The following CDH9 variants were observed in gnomAD, a reference collection of about 807,000 sequenced individuals.
CDH9 encodes cadherin 9.
In CDH9, 28 loss-of-function variants were observed where a neutral mutation model predicts 70.9. The ratio of observed to expected loss-of-function variants is 0.40; its 90% CI spans 0.29 to 0.54. The LOEUF (loss-of-function observed/expected upper bound fraction) is 0.54, where lower values mean the gene tolerates loss of function less well. CDH9 is among the 20% of genes least tolerant of loss of function. The pLI is 0.59. For synonymous variants in CDH9, 409 were observed against 343.1 expected, an observed-to-expected ratio of 1.19 and a Z score of -2.12; for missense variants, 874 against 984.4, an observed-to-expected ratio of 0.89 and a Z score of 1.50.
chr5:26,896,136 T>G (rs1288486624), intron 7 of CDH9, among the ~76,000 whole-genome samples: 1 of 151,986 alleles, frequency 6.6e-6, no homozygotes, highest in African/African-American at 2.4e-5. Flanking sequence ...TATAATTGAT[T>G]ATTTCTAGGA....
At chr5:26,889,776 T>A in intron 9 of CDH9, 60 bp downstream of exon 9, 1 of 1,016,930 alleles carries the variant, frequency 9.8e-7, no homozygotes, top group Non-Finnish European at 1.5e-6. Flanking sequence ...AGTGATGTAA[T>A]GTCATTTGAC....
Position 26,906,077 on chromosome 5 carries a change from C to A in CDH9, c.693G>T (p.Gln231His), listed in dbSNP as rs761788673. The change falls in exon 5 of 12, where the codon CAG (glutamine) becomes CAT (histidine). Residue 231 changes from glutamine to histidine, a missense_variant. Gln to His is a conservative substitution (Grantham distance 24, BLOSUM62 0). Transcript: ENST00000231021. ...CTTTGGCCTGTATAACAACCTGGTA[C>A]TGCTCTCTATTTTCTCTGCTCATGT... ...LPDMSRENRE[Q>H]YQVVIQAKDM... is the part of the protein sequence containing the mutation. The A allele has an allele frequency of 6.2e-7, 1 of 1,613,796 alleles. No individual in the cohort carries two copies. The highest frequency in any genetic ancestry group is 2.2e-5 in the East Asian group (1 of 44,864).
At chr5:26,922,745 T>A (rs925818596) in intron 2 of CDH9, among the ~76,000 whole-genome samples, 1 of 151,988 alleles carries the variant, frequency 6.6e-6, no homozygotes. Context: ...ACTACTCATA[T>A]CTTGACTAGA....
rs1554001721 is a variant in CDH9 at position 26,977,489 on chromosome 5, A to ATATATATATATATATATG, written c.228+10616_228+10617insCATATATATATATATATA. Among the ~76,000 whole-genome samples the ATATATATATATATATATG allele has an allele frequency of 4.7e-3, 611 of 129,088 alleles. 13 individuals carry two copies. The highest frequency in any genetic ancestry group is 0.026 in the African/African-American group (579 of 21,946). 84.7% of individuals were successfully genotyped at this position (129,088 alleles called of 152,430 possible). A position where few individuals can be genotyped will look rare whatever the true frequency, so the allele number is the denominator to read the frequency against. On this transcript the variant is annotated intron_variant, in intron 2 of 11. Coordinates refer to ENST00000231021, the MANE Select transcript of CDH9 (RefSeq NM_016279.4). ...TATGTGTGCGTGTGTGTGTGTGTAT[A>ATATATATATATATATATG]TATATATATATATATATATGGCACT...
chr5:26,946,101 T>C (rs1327054395), intron 2 of CDH9, among the ~76,000 whole-genome samples: 1 of 152,190 alleles, frequency 6.6e-6, no homozygotes, highest in East Asian at 1.9e-4. Context: ...TTACATAAGC[T>C]ACATAATGAT....
At position 26,906,896 on chromosome 5, in the gene CDH9, A is replaced by G; in HGVS notation, c.524-58T>C. ...TTTACATACTTCCAAATCTGAAACA[A>G]TCTTTCTTAAAAATATGTTGCTCTC... is the stretch of plus-strand genomic sequence containing the variant. On this transcript the variant is annotated intron_variant, in intron 3 of 11. Transcript: ENST00000231021. 5.3e-6 allele frequency: 8 copies of G among 1,497,498 alleles called. No individual in the cohort carries two copies. The South Asian group carries it at 9.5e-5, about 18-fold the overall frequency. The allele number at this position is 1,497,498 out of a possible 1,614,324, so 92.8% of individuals were successfully genotyped here. A position where few individuals can be genotyped will look rare whatever the true frequency, so the allele number is the denominator to read the frequency against.
In CDH9 at chr5:26,892,355, T is replaced by A. The variant is rs1204853109; in HGVS notation, c.1254-1791A>T. ...TAAAAACAGAGTTTGATTCAGTAGG[T>A]CTGGGGTGGGAGCTGAGATTGTGCA... On this transcript the variant is annotated intron_variant, in intron 7 of 11. Coordinates refer to ENST00000231021, the MANE Select transcript of CDH9 (RefSeq NM_016279.4). Among the ~76,000 whole-genome samples, 3 of 152,156 alleles carry A rather than the reference T, an allele frequency of 2.0e-5. No homozygotes were observed. The East Asian group carries it at 5.8e-4, about 29-fold the overall frequency.
Position 26,903,770 on chromosome 5 carries a change from CTTCCAAGATGAG to C in CDH9, c.854_865del (p.Thr285_Gly288del). 1 of 1,607,352 alleles carries C rather than the reference CTTCCAAGATGAG, an allele frequency of 6.2e-7. No individual in the cohort carries two copies. The highest frequency in any genetic ancestry group is 8.5e-7 in the Non-Finnish European group (1 of 1,176,000). On this transcript the variant is annotated inframe_deletion, in exon 6 of 12. Transcript: ENST00000231021. ...CACGTCAGGGTCATTGGCTTTTATC[CTTCCAAGATGAG>C]TTCCAAGAGGTACAGACTCAGGAGA...
In CDH9 at chr5:26,903,778, A is replaced by G. The variant is rs537408681; in HGVS notation, c.858T>C (p.His286=). Residue 286 remains histidine (H), a synonymous_variant, in exon 6 of 12, where the codon CAT becomes CAC. Transcript: ENST00000231021. Reference sequence around the variant, plus strand: ...GGTCATTGGCTTTTATCCTTCCAAGATGAGTTCCAAGAGGTACAGACTCAG... The same window carrying G: ...GGTCATTGGCTTTTATCCTTCCAAGGTGAGTTCCAAGAGGTACAGACTCAG... ...NSPESVPLGT[H]LGRIKANDPD... 1.9e-6 allele frequency: 3 copies of G among 1,606,856 alleles called. No individual in the cohort carries two copies. The highest frequency in any genetic ancestry group is 2.6e-6 in the Non-Finnish European group (3 of 1,175,826).
intron 1 of CDH9, among the ~76,000 whole-genome samples, chr5:27,025,041 A>G (rs3811933): frequency 0.38 from 57,840 of 151,952 alleles, 12,851 homozygotes; most frequent in Non-Finnish European, 0.5. Flanking sequence ...TTCCTTATAG[A>G]AAATATCTAT....
At chr5:26,891,144 A>G (rs1224085411) in intron 7 of CDH9, among the ~76,000 whole-genome samples, 1 of 152,170 alleles carries the variant, frequency 6.6e-6, no homozygotes, top group African/African-American at 2.4e-5. Context: ...CTTTCTCATT[A>G]GGGCTGTATT....
At chr5:26,947,820 C>T (rs1741779197) in intron 2 of CDH9, among the ~76,000 whole-genome samples, 1 of 152,074 alleles carries the variant, frequency 6.6e-6, no homozygotes, top group African/African-American at 2.4e-5. Context: ...AATCTCTAGC[C>T]TCCATCACTG....
chr5:26,938,425 A>C (rs1741598803), intron 2 of CDH9, among the ~76,000 whole-genome samples: 1 of 152,040 alleles, frequency 6.6e-6, no homozygotes, highest in South Asian at 2.1e-4. Context: ...ATTATGCTTT[A>C]GTAAAATGTA....
At position 26,881,181 on chromosome 5, in the gene CDH9, T is replaced by C; in HGVS notation, c.2325A>G (p.Lys775=). The C allele has an allele frequency of 6.2e-7, 1 of 1,613,072 alleles. No homozygotes were observed. Among genetic ancestry groups the C allele is most frequent in the Non-Finnish European group, 8.5e-7 (1 of 1,179,444 alleles). Reference sequence around the variant, plus strand: ...CACCCCCATACATATCGGCAAGTTTTTTGAAACGAGGCCCCCAGTCACTGA... The same window carrying C: ...CACCCCCATACATATCGGCAAGTTTCTTGAAACGAGGCCCCCAGTCACTGA... ...DYLSDWGPRF[K]KLADMYGGDD... is the part of the protein sequence containing the mutation. Residue 775 remains lysine (K), a synonymous_variant, in exon 12 of 12, where the codon AAA becomes AAG. Coordinates refer to ENST00000231021, the MANE Select transcript of CDH9 (RefSeq NM_016279.4).
At chr5:26,898,405 G>T (rs544904220) in intron 7 of CDH9, among the ~76,000 whole-genome samples, 1 of 152,018 alleles carries the variant, frequency 6.6e-6, no homozygotes, top group Admixed American at 6.6e-5. Flanking sequence ...GAGGCATCAC[G>T]CCACCTGACT....
chr5:26,960,812 G>T (rs1032473698), intron 2 of CDH9, among the ~76,000 whole-genome samples: 3 of 139,824 alleles, frequency 2.1e-5, no homozygotes, highest in Non-Finnish European at 4.8e-5. Flanking sequence ...TATCCACACT[G>T]AAAATCTGGG....
chr5:26,954,438 G>T lies in CDH9; in HGVS notation c.228+33668C>A, dbSNP rs577517515. Reference sequence around the variant, plus strand: ...CTCGCTCTGTTGCCCAGGCTGGAGTGCAGTGGCGCCATCTCGGCTCACTGC... The same window carrying T: ...CTCGCTCTGTTGCCCAGGCTGGAGTTCAGTGGCGCCATCTCGGCTCACTGC... On this transcript the variant is annotated intron_variant, in intron 2 of 11. Transcript: ENST00000231021. 3.3e-5 allele frequency among the ~76,000 whole-genome samples: 4 copies of T among 121,460 alleles called. No individual in the cohort carries two copies. In the South Asian group the frequency reaches 1.0e-3, roughly 32 times the overall value. 79.7% of individuals were successfully genotyped at this position (121,460 alleles called of 152,430 possible). A position where few individuals can be genotyped will look rare whatever the true frequency, so the allele number is the denominator to read the frequency against.
intron 9 of CDH9, among the ~76,000 whole-genome samples, 180 bp from the exon 10 acceptor site, chr5:26,886,263 G>T (rs939135686): frequency 6.6e-6 from 1 of 152,080 alleles, no homozygotes; most frequent in African/African-American, 2.4e-5. Context: ...TTTTGTCTTA[G>T]ATAACTTATT....
At chr5:26,917,808 G>C (rs1455139301) in intron 2 of CDH9, among the ~76,000 whole-genome samples, 2 of 151,924 alleles carry the variant, frequency 1.3e-5, no homozygotes, top group African/African-American at 4.8e-5. Flanking sequence ...TCATACTAAA[G>C]AGGGTGATTT....
Sources: allele counts gnomAD v4.1 joint callset (sites outside exome capture counted in the v4.1 genomes callset), GRCh38; gene constraint gnomAD v4.1.1; transcripts MANE v1.5; gene names NCBI Gene and HGNC (gene_info 2026-07-23, HGNC 2026-07-21).